The following CLVS1 variants were observed in gnomAD, a reference collection of about 807,000 sequenced individuals.
CLVS1 encodes the protein clavesin-1.
A neutral mutation model predicts 33.1 loss-of-function variants in CLVS1; 10 were observed. The observed-to-expected ratio is 0.30, with a 90% CI of 0.19 to 0.51. CLVS1 has a LOEUF of 0.51. CLVS1 is among the 20% of genes least tolerant of loss of function. CLVS1 has a pLI of 0.97. For synonymous variants in CLVS1, 163 were observed against 166.1 expected (o/e 0.98, Z 0.14); for missense variants, 343 against 433.4 (o/e 0.79, Z 1.85).
At chr8:60,990,872 C>G in the CLVS1 span, among the ~76,000 whole-genome samples, 1 of 152,048 alleles carries the variant, frequency 6.6e-6, no homozygotes, top group African/African-American at 2.4e-5. Context: ...CCACGCTTGG[C>G]TAATTTATTT....
Position 61,143,961 on chromosome 8 carries a change from A to T in CLVS1, c.-152+12101A>T, listed in dbSNP as rs935888193. 2.6e-5 allele frequency among the ~76,000 whole-genome samples: 4 copies of T among 150,994 alleles called. No individual in the cohort carries two copies. The East Asian group carries it at 7.7e-4, about 29-fold the overall frequency. ...TTATTGAAGGAAGCAAATTAATAGC[A>T]TTCTTGTTTGAATTACCTAAACTAG... On this transcript the variant is annotated intron_variant, in intron 2 of 2. Coordinates refer to the CLVS1 transcript ENST00000522621.
intron 2 of CLVS1, among the ~76,000 whole-genome samples, chr8:61,335,622 G>A (rs1324448710): frequency 6.6e-6 from 1 of 152,116 alleles, no homozygotes; most frequent in East Asian, 1.9e-4. Flanking sequence ...CTTCAGAGTA[G>A]GAGTCTATTT....
At chr8:61,336,391 G>A (rs1337972909) in intron 2 of CLVS1, among the ~76,000 whole-genome samples, 1 of 152,192 alleles carries the variant, frequency 6.6e-6, no homozygotes, top group African/African-American at 2.4e-5. Flanking sequence ...AACACAACAT[G>A]TCCTAAATGC....
intron 2 of CLVS1, among the ~76,000 whole-genome samples, chr8:61,166,840 G>C (rs1315960894): frequency 6.7e-6 from 1 of 149,946 alleles, no homozygotes; most frequent in Non-Finnish European, 1.5e-5. Context: ...ATGGTCAAAA[G>C]TCGCCTAATT....
At chr8:61,475,681 A>G (rs1052423757) in intron 5 of CLVS1, among the ~76,000 whole-genome samples, 7 of 152,134 alleles carry the variant, frequency 4.6e-5, no homozygotes, top group African/African-American at 1.7e-4. Flanking sequence ...AGTTCATTGT[A>G]GATTCTGGAT....
At chr8:61,220,041 G>A (rs193174164) in intron 2 of CLVS1, among the ~76,000 whole-genome samples, 1 of 152,072 alleles carries the variant, frequency 6.6e-6, no homozygotes, top group Non-Finnish European at 1.5e-5. Flanking sequence ...GTAAATTCTG[G>A]ATATTAGACC....
At chr8:61,234,355 AT>A in intron 2 of CLVS1, among the ~76,000 whole-genome samples, 1 of 152,156 alleles carries the variant, frequency 6.6e-6, no homozygotes, top group African/African-American at 2.4e-5. Context: ...TATCCCCTTG[AT>A]ACATTTCTCA....
At chr8:61,163,558 G>T (rs1356072595) in intron 2 of CLVS1, among the ~76,000 whole-genome samples, 1 of 152,150 alleles carries the variant, frequency 6.6e-6, no homozygotes, top group Admixed American at 6.5e-5. Flanking sequence ...CTCCCAAGAT[G>T]GTGGTGGGCT....
At chr8:61,037,734 A>G in the CLVS1 span, among the ~76,000 whole-genome samples, 1 of 152,220 alleles carries the variant, frequency 6.6e-6, no homozygotes, top group Non-Finnish European at 1.5e-5. Flanking sequence ...GCTATCTCCG[A>G]GTGCCAGGTG....
At chr8:61,169,487 TCAGA>T (rs1474644374) in intron 2 of CLVS1, among the ~76,000 whole-genome samples, 3 of 152,180 alleles carry the variant, frequency 2.0e-5, no homozygotes, top group Non-Finnish European at 4.4e-5. Context: ...TTGTCTGTGC[TCAGA>T]CAGGCTGTTC....
chr8:60,972,698 C>T, the CLVS1 span, among the ~76,000 whole-genome samples: 11 of 152,310 alleles, frequency 7.2e-5, no homozygotes, highest in African/African-American at 2.2e-4. Context: ...TAAGTGGACT[C>T]AGTGCAGGAG....
chr8:61,307,737 T>C (rs979704620), intron 2 of CLVS1, among the ~76,000 whole-genome samples: 5 of 152,172 alleles, frequency 3.3e-5, no homozygotes, highest in Non-Finnish European at 5.9e-5. Flanking sequence ...TTTTGTTACA[T>C]GGTTATATTG....
At chr8:61,201,710 G>T (rs553802185) in intron 2 of CLVS1, among the ~76,000 whole-genome samples, 5 of 146,392 alleles carry the variant, frequency 3.4e-5, no homozygotes, top group African/African-American at 1.3e-4. Flanking sequence ...CTGACAATTC[G>T]AATCCCAGTT....
chr8:61,074,953 A>C (rs1804881969), intron 1 of CLVS1, among the ~76,000 whole-genome samples: 1 of 152,134 alleles, frequency 6.6e-6, no homozygotes. Context: ...GGGGGGAAGC[A>C]CACTTTTGAA....
intron 2 of CLVS1, among the ~76,000 whole-genome samples, chr8:61,231,278 C>T (rs1474586545): frequency 2.3e-5 from 3 of 128,850 alleles, no homozygotes; most frequent in African/African-American, 9.6e-5. Flanking sequence ...ATATAGGCAC[C>T]TGTGCTTGCA....
At chr8:61,037,038 C>A in the CLVS1 span, among the ~76,000 whole-genome samples, 2 of 152,208 alleles carry the variant, frequency 1.3e-5, no homozygotes, top group Non-Finnish European at 2.9e-5. Flanking sequence ...GTATGTGACT[C>A]ACATTTTCAG....
intron 2 of CLVS1, among the ~76,000 whole-genome samples, chr8:61,277,449 G>C (rs1465388588): frequency 6.6e-6 from 1 of 152,324 alleles, no homozygotes; most frequent in African/African-American, 2.4e-5. Context: ...TCCGCACACA[G>C]ATCTGAAGCC....
At chr8:61,229,207 A>T (rs1808385915) in intron 2 of CLVS1, among the ~76,000 whole-genome samples, 1 of 152,212 alleles carries the variant, frequency 6.6e-6, no homozygotes, top group African/African-American at 2.4e-5. Context: ...GGTTTGTCTC[A>T]TCTACTCACT....
chr8:61,241,495 A>G (rs1382745918), intron 2 of CLVS1, among the ~76,000 whole-genome samples: 7 of 152,234 alleles, frequency 4.6e-5, no homozygotes, highest in Non-Finnish European at 4.4e-5. Flanking sequence ...AACTTTTCAC[A>G]GTTCACTTAG....
Sources: gnomAD v4.1 joint callset for allele counts (sites outside exome capture counted in the v4.1 genomes callset) on GRCh38, gnomAD v4.1.1 for gene constraint, MANE v1.5 for transcripts, NCBI Gene and HGNC (gene_info 2026-07-23, HGNC 2026-07-21) for gene names.